CSMD1: variants seen among roughly 807,000 people sequenced by gnomAD.
CSMD1 encodes the protein CUB and Sushi multiple domains 1, also known as CUB and sushi domain-containing protein 1.
Under a neutral mutation model 417.5 loss-of-function variants are expected in CSMD1, and 213 were observed. That is an observed-to-expected ratio of 0.51 (90% CI 0.46 to 0.57). The LOEUF is 0.57. CSMD1 is among the 20% of genes least tolerant of loss of function. The probability of loss-of-function intolerance (pLI) is 0.00; values close to 1 mark genes in which losing one functional copy is unlikely to be tolerated. For missense variants in CSMD1, 6,923 were observed against 4,529.7 expected (o/e 1.53, Z -15.17); for synonymous variants, 2,862 against 1,736.8 (o/e 1.65, Z -16.11).
intron 9 of CSMD1, among the ~76,000 whole-genome samples, chr8:3,579,612 T>A (rs6420214): frequency 6.6e-6 from 1 of 152,094 alleles, no homozygotes; most frequent in African/African-American, 2.4e-5. Flanking sequence ...GAAGATAATA[T>A]ATCACAGAGG....
intron 3 of CSMD1, among the ~76,000 whole-genome samples, chr8:4,358,513 G>C (rs1801564891): frequency 2.0e-5 from 3 of 152,224 alleles, no homozygotes; most frequent in Non-Finnish European, 4.4e-5. Context: ...GATACCAGCA[G>C]AGCTCCGCAG....
At chr8:4,338,332 C>G (rs1038966946) in intron 3 of CSMD1, among the ~76,000 whole-genome samples, 5 of 152,226 alleles carry the variant, frequency 3.3e-5, no homozygotes, top group East Asian at 3.9e-4. Context: ...CGTATGTGAT[C>G]TGTTCCAGGG....
At chr8:3,387,767 A>C (rs1811102119) in intron 17 of CSMD1, 85 bp from the exon 18 acceptor site, 4 of 1,097,250 alleles carry the variant, frequency 3.6e-6, no homozygotes, top group Non-Finnish European at 5.2e-6. Flanking sequence ...ACTACGAAAT[A>C]GTCTCAGAAA....
At chr8:3,770,708 T>C (rs1798519217) in intron 5 of CSMD1, among the ~76,000 whole-genome samples, 1 of 152,114 alleles carries the variant, frequency 6.6e-6, no homozygotes, top group African/African-American at 2.4e-5. Context: ...TTCATGTCAC[T>C]GTAACCATGA....
chr8:4,527,320 T>C (rs1029639326), intron 2 of CSMD1, among the ~76,000 whole-genome samples: 4 of 152,168 alleles, frequency 2.6e-5, no homozygotes, highest in African/African-American at 9.7e-5. Context: ...GTTATATAAG[T>C]CTTCCTCTGC....
chr8:3,654,294 T>G (rs936861251), intron 7 of CSMD1, among the ~76,000 whole-genome samples: 1 of 152,190 alleles, frequency 6.6e-6, no homozygotes, highest in African/African-American at 2.4e-5. Flanking sequence ...ACAATAGAAA[T>G]ACAAAGATTT....
At chr8:4,226,895 A>T (rs1210910623) in intron 3 of CSMD1, among the ~76,000 whole-genome samples, 2 of 152,198 alleles carry the variant, frequency 1.3e-5, no homozygotes, top group African/African-American at 4.8e-5. Flanking sequence ...ATTTGAACGT[A>T]AAGGATTTTT....
At chr8:3,890,950 G>C (rs535156184) in intron 5 of CSMD1, among the ~76,000 whole-genome samples, 1 of 150,504 alleles carries the variant, frequency 6.6e-6, no homozygotes, top group African/African-American at 2.5e-5. Flanking sequence ...ACTCTCATAC[G>C]ACTCTCTCAA....
chr8:4,717,309 C>CTATA (rs1563207805), intron 1 of CSMD1, among the ~76,000 whole-genome samples: 4 of 92,754 alleles, frequency 4.3e-5, no homozygotes, highest in African/African-American at 3.3e-4. Flanking sequence ...CTCTCTCTCT[C>CTATA]CATATATATA....
chr8:4,647,984 C>G (rs374332937), intron 1 of CSMD1, among the ~76,000 whole-genome samples: 8 of 152,318 alleles, frequency 5.3e-5, no homozygotes, highest in African/African-American at 1.9e-4. Context: ...CCTTGAGGAA[C>G]TGCCACACTG....
intron 3 of CSMD1, among the ~76,000 whole-genome samples, chr8:4,294,714 T>C (rs574085726): frequency 6.6e-6 from 1 of 152,288 alleles, no homozygotes; most frequent in East Asian, 1.9e-4. Context: ...GCTTCTCTTC[T>C]CATATAATCT....
At chr8:3,568,266 C>G (rs941119875) in intron 10 of CSMD1, among the ~76,000 whole-genome samples, 1 of 152,094 alleles carries the variant, frequency 6.6e-6, no homozygotes, top group Non-Finnish European at 1.5e-5. Flanking sequence ...TTTTGTTTTA[C>G]TCATCAGAAC....
In CSMD1 at chr8:4,859,988, T is replaced by C. The variant is rs1802029350; in HGVS notation, c.85+134344A>G. Reference sequence around the variant, plus strand: ...ATGTTTATTGCCGCGTTATTCACGATAGCAAAGACTTGGAACCAACCCAAA... The same window carrying C: ...ATGTTTATTGCCGCGTTATTCACGACAGCAAAGACTTGGAACCAACCCAAA... On this transcript the variant is annotated intron_variant, in intron 1 of 69. Transcript: ENST00000635120. 9.2e-5 allele frequency among the ~76,000 whole-genome samples: 14 copies of C among 152,184 alleles called. No individual in the cohort carries two copies. The South Asian group carries it at 2.7e-3, about 29-fold the overall frequency.
At chr8:4,788,705 G>C (rs897837553) in intron 1 of CSMD1, 1 of 514,596 alleles carries the variant, frequency 1.9e-6, no homozygotes. Flanking sequence ...AAATGTATTA[G>C]TGAATCAATG....
At chr8:4,885,970 C>A (rs895683929) in intron 1 of CSMD1, among the ~76,000 whole-genome samples, 1 of 147,650 alleles carries the variant, frequency 6.8e-6, no homozygotes, top group Non-Finnish European at 1.5e-5. Flanking sequence ...GGTCTCTGAT[C>A]CTTTTTATTT....
chr8:4,315,678 G>A (rs77464166), intron 3 of CSMD1, among the ~76,000 whole-genome samples: 2,732 of 152,204 alleles, frequency 0.018, 86 homozygotes, highest in African/African-American at 0.062. Context: ...TAAATATGAT[G>A]ATTATAAAAT....
At chr8:4,576,977 G>C (rs1464201270) in intron 2 of CSMD1, among the ~76,000 whole-genome samples, 1 of 152,134 alleles carries the variant, frequency 6.6e-6, no homozygotes, top group African/African-American at 2.4e-5. Flanking sequence ...CTAATTCGAT[G>C]AACACAGTGT....
chr8:4,173,504 G>T (rs76093785), intron 3 of CSMD1, among the ~76,000 whole-genome samples: 2 of 152,100 alleles, frequency 1.3e-5, no homozygotes, highest in African/African-American at 2.4e-5. Flanking sequence ...AGTGCTCTCG[G>T]TAGATGGGGA....
At chr8:3,929,645 T>A (rs1434647273) in intron 5 of CSMD1, among the ~76,000 whole-genome samples, 2 of 145,884 alleles carry the variant, frequency 1.4e-5, no homozygotes, top group African/African-American at 5.2e-5. Context: ...TTTCAAAACA[T>A]ATTTGTATGA....
Sources: allele counts gnomAD v4.1 joint callset (sites outside exome capture counted in the v4.1 genomes callset), GRCh38; gene constraint gnomAD v4.1.1; transcripts MANE v1.5; gene names NCBI Gene and HGNC (gene_info 2026-07-23, HGNC 2026-07-21).